The following ZNF365 variants were observed in gnomAD, a reference collection of about 807,000 sequenced individuals.
ZNF365 encodes the protein protein ZNF365.
A neutral mutation model predicts 35.0 loss-of-function variants in ZNF365; 22 were observed. The ratio of observed to expected loss-of-function variants is 0.63; its 90% confidence interval spans 0.45 to 0.90. The LOEUF (loss-of-function observed/expected upper bound fraction) is 0.90, where lower values mean the gene tolerates loss of function less well. Ranked by LOEUF, ZNF365 falls within the 40% of genes least tolerant of loss-of-function variation. ZNF365 has a pLI of 0.00. For synonymous variants in ZNF365, 188 were observed against 196.2 expected, an observed-to-expected ratio of 0.96 and a Z score of 0.35; for missense variants, 448 against 500.3, an observed-to-expected ratio of 0.90 and a Z score of 1.00.
intron 2 of ZNF365, among the ~76,000 whole-genome samples, chr10:62,379,049 G>T (rs1839384897): frequency 1.4e-5 from 2 of 147,044 alleles, no homozygotes; most frequent in African/African-American, 2.5e-5. Flanking sequence ...TTGAGACAGA[G>T]TCTCACTTTG....
chr10:62,414,690 C>T (rs12571567), intron 3 of ZNF365, among the ~76,000 whole-genome samples: 95,812 of 152,022 alleles, frequency 0.63, 30,883 homozygotes, highest in East Asian at 0.84. Context: ...GGCTTTCAGC[C>T]GTTTTATTAT....
At chr10:62,461,346 G>C (rs907563174) in intron 4 of ZNF365, among the ~76,000 whole-genome samples, 33 of 152,334 alleles carry the variant, frequency 2.2e-4, no homozygotes, top group African/African-American at 7.0e-4. Flanking sequence ...CCAGTCGGAG[G>C]GGGAGGAGGA....
chr10:62,459,022 T>C (rs1270113457), intron 3 of ZNF365, among the ~76,000 whole-genome samples: 2 of 152,204 alleles, frequency 1.3e-5, no homozygotes, highest in East Asian at 3.8e-4. Context: ...GACTATCTTA[T>C]GTTGGATCTA....
chr10:62,434,096 T>C (rs1192879628), intron 3 of ZNF365, among the ~76,000 whole-genome samples: 6 of 152,174 alleles, frequency 3.9e-5, no homozygotes, highest in African/African-American at 1.4e-4. Flanking sequence ...CTGAATGCAC[T>C]TGGCCTCACC....
At position 62,376,464 on chromosome 10, in the gene ZNF365, G is replaced by A. The variant is rs775545720; in HGVS notation, c.271G>A (p.Val91Met). 11 of 1,614,040 alleles carry A rather than the reference G, an allele frequency of 6.8e-6. No individual in the cohort carries two copies. The highest frequency in any genetic ancestry group is 5.5e-5 in the South Asian group (5 of 91,086). ...KPGKLQSSGN[V>M]VKQKPSYVNL... ...GGGAAAATTGCAGAGCAGTGGCAAC[G>A]TGGTAAAGCAGAAACCGAGCTATGT... is the stretch of plus-strand genomic sequence containing the variant. The change falls in exon 2 of 5, where the codon GTG becomes ATG. Residue 91 changes from valine (V) to methionine (M), a missense_variant. Val to Met is a conservative substitution (Grantham distance 21, BLOSUM62 1). Coordinates refer to ENST00000395254, the MANE Select transcript of ZNF365 (RefSeq NM_014951.3).
At chr10:62,395,161 T>G (rs139738484) in intron 3 of ZNF365, among the ~76,000 whole-genome samples, 79 of 152,258 alleles carry the variant, frequency 5.2e-4, no homozygotes, top group African/African-American at 1.9e-3. Context: ...ATTCAAAACT[T>G]TCTTTGTTAA....
At chr10:62,440,602 G>A (rs1464211098) in intron 3 of ZNF365, among the ~76,000 whole-genome samples, 1 of 152,174 alleles carries the variant, frequency 6.6e-6, no homozygotes, top group East Asian at 1.9e-4. Context: ...TTAGCAAATT[G>A]ACAGATATGA....
At chr10:62,423,701 T>A (rs1840209338) in intron 3 of ZNF365, among the ~76,000 whole-genome samples, 1 of 152,162 alleles carries the variant, frequency 6.6e-6, no homozygotes, top group Non-Finnish European at 1.5e-5. Context: ...AATTTAATGA[T>A]GATTTTTCCA....
intron 3 of ZNF365, among the ~76,000 whole-genome samples, chr10:62,457,536 A>G (rs1183897564): frequency 6.6e-6 from 1 of 152,244 alleles, no homozygotes; most frequent in Non-Finnish European, 1.5e-5. Context: ...CTAGCTACAT[A>G]TAGGGGAAAT....
At chr10:62,463,974 G>A (rs1306027600) in intron 4 of ZNF365, among the ~76,000 whole-genome samples, 2 of 152,134 alleles carry the variant, frequency 1.3e-5, no homozygotes, top group Admixed American at 6.5e-5. Flanking sequence ...GGATGTAGGT[G>A]TAGTCATCAA....
At chr10:62,462,713 G>C (rs986507990) in intron 4 of ZNF365, among the ~76,000 whole-genome samples, 8 of 152,224 alleles carry the variant, frequency 5.3e-5, no homozygotes, top group African/African-American at 1.9e-4. Flanking sequence ...AAGCATGGCT[G>C]GATTAAATTT....
At chr10:62,381,899 A>T (rs908380528) in intron 2 of ZNF365, among the ~76,000 whole-genome samples, 2 of 152,198 alleles carry the variant, frequency 1.3e-5, no homozygotes, top group African/African-American at 4.8e-5. Context: ...GTTCCAGCCT[A>T]AAGCCATGCA....
chr10:62,428,145 G>C (rs775509020), intron 3 of ZNF365, among the ~76,000 whole-genome samples: 20 of 152,148 alleles, frequency 1.3e-4, no homozygotes, highest in Non-Finnish European at 2.8e-4. Context: ...ATTTACCTTA[G>C]AGTACTATTG....
At chr10:62,456,065 A>G (rs1204211144) in intron 3 of ZNF365, among the ~76,000 whole-genome samples, 4 of 152,178 alleles carry the variant, frequency 2.6e-5, no homozygotes, top group Non-Finnish European at 4.4e-5. Context: ...GGACAGATTC[A>G]ATATCTGTTC....
At chr10:62,388,696 A>C (rs1839568243) in intron 3 of ZNF365, 120 bp downstream of exon 3, 3 of 1,201,368 alleles carry the variant, frequency 2.5e-6, no homozygotes, top group Admixed American at 2.6e-5. Context: ...ATTTGAGAGC[A>C]CTGCCTGGGC....
chr10:62,477,388 A>G (rs886615939), intron 4 of ZNF365, among the ~76,000 whole-genome samples: 1 of 152,258 alleles, frequency 6.6e-6, no homozygotes, highest in Non-Finnish European at 1.5e-5. Flanking sequence ...GAAAAACTAC[A>G]TGCTAGATAA....
At chr10:62,432,414 G>A (rs372168860) in intron 3 of ZNF365, among the ~76,000 whole-genome samples, 2 of 152,156 alleles carry the variant, frequency 1.3e-5, no homozygotes, top group African/African-American at 4.8e-5. Flanking sequence ...GCAACCTTAG[G>A]AATGACAGCA....
intron 3 of ZNF365, among the ~76,000 whole-genome samples, chr10:62,446,025 C>G (rs1009717292): frequency 6.6e-6 from 1 of 152,102 alleles, no homozygotes; most frequent in African/African-American, 2.4e-5. Flanking sequence ...TGAGCAGTTC[C>G]CACTCACATA....
chr10:62,456,583 A>G (rs1840764572), intron 3 of ZNF365, among the ~76,000 whole-genome samples: 1 of 152,236 alleles, frequency 6.6e-6, no homozygotes, highest in South Asian at 2.1e-4. Flanking sequence ...ACTGGCTCAT[A>G]TAAACAAGAT....
Sources: allele counts gnomAD v4.1 joint callset (sites outside exome capture counted in the v4.1 genomes callset), GRCh38; gene constraint gnomAD v4.1.1; transcripts MANE v1.5; gene names NCBI Gene and HGNC (gene_info 2026-07-23, HGNC 2026-07-21).